The following MUC15 variants were observed in gnomAD, a reference collection of about 807,000 sequenced individuals.
The protein encoded by MUC15 is mucin 15, cell surface associated.
MUC15 carries 23 observed loss-of-function variants against 24.0 expected under a neutral mutation model. The observed-to-expected ratio is 0.96, with a 90% CI of 0.69 to 1.36. MUC15 has a LOEUF of 1.36. Ranked by LOEUF, MUC15 falls within the 40% of genes most tolerant of loss-of-function variation. The pLI is 0.00. For missense variants in MUC15, 442 were observed against 428.2 expected (o/e 1.03, Z -0.29); for synonymous variants, 151 against 156.3 (o/e 0.97, Z 0.25).
At chr11:26,565,086 A>G (rs1394755423) in intron 3 of MUC15, 79 bp downstream of exon 3, 2 of 1,355,710 alleles carry the variant, frequency 1.5e-6, no homozygotes, top group Non-Finnish European at 2.0e-6. Context: ...CAGCATGGTG[A>G]TTCCTTAGAC....
rs534590787 is a variant in MUC15 at position 26,567,504 on chromosome 11, T to G, written c.-45-365A>C. Among the ~76,000 whole-genome samples, 184 of 152,080 alleles carry G rather than the reference T, an allele frequency of 1.2e-3. 1 individual carries two copies. Among genetic ancestry groups the G allele is most frequent in the Non-Finnish European group, 1.2e-3 (84 of 67,922 alleles). On this transcript the variant is annotated intron_variant, in intron 1 of 4. Transcript: ENST00000529533. ...CCACTAGTTATGTGTTGATTTTAAA[T>G]AGCAAGTCCTCTCTTACATAATAAT...
rs948347091 is a variant in MUC15 at position 26,560,919 on chromosome 11, A to G, written c.*146T>C. On this transcript the variant is annotated 3_prime_UTR_variant, in exon 5 of 5. Transcript: ENST00000529533. ...CCTTTGGATGATACATCCTGTCTAC[A>G]TTTCTGCTACTGGTCTCCTGCTTTT... 3.1e-5 allele frequency: 24 copies of G among 771,854 alleles called. No homozygotes were observed. Among genetic ancestry groups the G allele is most frequent in the Non-Finnish European group, 4.4e-5 (22 of 502,196 alleles). The allele number at this position is 771,854 out of a possible 1,614,324, so 47.8% of individuals were successfully genotyped here. A position where few individuals can be genotyped will look rare whatever the true frequency, so the allele number is the denominator to read the frequency against.
Position 26,571,426 on chromosome 11 carries a change from C to A in MUC15, c.-46+615G>T, listed in dbSNP as rs371510795. Among the ~76,000 whole-genome samples, 5 of 152,130 alleles carry A rather than the reference C, an allele frequency of 3.3e-5. No individual in the cohort carries two copies. The East Asian group carries it at 5.8e-4, about 18-fold the overall frequency. On this transcript the variant is annotated intron_variant, in intron 1 of 4. Transcript: ENST00000529533. ...ATGTTTTCTGTAGTAACTGATGTAACCTTTTAGATTTCCAGTGAAAGTTAG... is the reference window on the plus strand; with the variant it reads ...ATGTTTTCTGTAGTAACTGATGTAAACTTTTAGATTTCCAGTGAAAGTTAG...
chr11:26,559,845 C>CACACACAT lies in MUC15; in HGVS notation c.*1219_*1220insATGTGTGT. On this transcript the variant is annotated 3_prime_UTR_variant, in exon 5 of 5. Coordinates refer to ENST00000529533, the MANE Select transcript of MUC15 (RefSeq NM_001135091.2). ...AAGCTGTTTCTGTGTTACACACACA[C>CACACACAT]ACACACACACACACACACACACACA... is the stretch of plus-strand genomic sequence containing the variant. 1.4e-6 allele frequency: 1 copy of CACACACAT among 707,526 alleles called. No individual in the cohort carries two copies. Among genetic ancestry groups the CACACACAT allele is most frequent in the Non-Finnish European group, 2.5e-6 (1 of 406,712 alleles). The allele number at this position is 707,526 out of a possible 1,614,324, so 43.8% of individuals were successfully genotyped here. A position where few individuals can be genotyped will look rare whatever the true frequency, so the allele number is the denominator to read the frequency against.
At chr11:26,563,630 G>A (rs1850393029) in intron 3 of MUC15, among the ~76,000 whole-genome samples, 1 of 151,838 alleles carries the variant, frequency 6.6e-6, no homozygotes, top group African/African-American at 2.4e-5. Context: ...GAACTTTAAT[G>A]ATGAAATGAA....
chr11:26,572,031 G>T lies in MUC15; in HGVS notation c.-46+10C>A. The T allele has an allele frequency of 1.0e-6, 1 of 964,886 alleles. No individual in the cohort carries two copies. Among genetic ancestry groups the T allele is most frequent in the Non-Finnish European group, 1.2e-6 (1 of 811,296 alleles). The allele number at this position is 964,886 out of a possible 1,614,324, so 59.8% of individuals were successfully genotyped here. A position where few individuals can be genotyped will look rare whatever the true frequency, so the allele number is the denominator to read the frequency against. ...AAGCGAGAGACCTAAGTGACCCAACGCACACTTACCTTCAGGCTTAGGAGG... is the reference window on the plus strand; with the variant it reads ...AAGCGAGAGACCTAAGTGACCCAACTCACACTTACCTTCAGGCTTAGGAGG... On this transcript the variant is annotated intron_variant, in intron 1 of 4. Transcript: ENST00000529533.
At chr11:26,561,296 G>T in intron 4 of MUC15, 71 bp from the exon 5 acceptor site, 3 of 1,151,798 alleles carry the variant, frequency 2.6e-6, no homozygotes, top group Non-Finnish European at 3.6e-6. Context: ...CATCCACCAA[G>T]TTATAGGAAT....
intron 3 of MUC15, among the ~76,000 whole-genome samples, chr11:26,563,664 A>G (rs1423976951): frequency 6.6e-6 from 1 of 151,894 alleles, no homozygotes; most frequent in Non-Finnish European, 1.5e-5. Flanking sequence ...TCTGTAAATA[A>G]TTCAAAGGTT....
In MUC15 at chr11:26,559,677, A is replaced by G. The variant is rs1435603033; in HGVS notation, c.*1388T>C. On this transcript the variant is annotated 3_prime_UTR_variant, in exon 5 of 5. Transcript: ENST00000529533. ...AAACAGTATTCACTGGCTTATTATA[A>G]TCAATTTGCATGACTAATATTTCTG... 6.9e-7 allele frequency: 1 copy of G among 1,440,180 alleles called. No individual in the cohort carries two copies. 89.2% of individuals were successfully genotyped at this position (1,440,180 alleles called of 1,614,324 possible). A position where few individuals can be genotyped will look rare whatever the true frequency, so the allele number is the denominator to read the frequency against.
intron 2 of MUC15, 120 bp downstream of exon 2, chr11:26,566,932 A>T (rs1850611776): frequency 2.3e-6 from 2 of 884,262 alleles, no homozygotes; most frequent in East Asian, 6.4e-5. Context: ...TCTAAACAAG[A>T]TCTAGCCTAA....
In MUC15 at chr11:26,559,644, C is replaced by A; in HGVS notation, c.*1421G>T. ...TCTATTTGAGAAAAAATCATAGTAC[C>A]TGAGTGCAAACAGTATTCACTGGCT... is the stretch of plus-strand genomic sequence containing the variant. On this transcript the variant is annotated 3_prime_UTR_variant, in exon 5 of 5. Transcript: ENST00000529533. 1 of 995,160 alleles carries A rather than the reference C, an allele frequency of 1.0e-6. No individual in the cohort carries two copies. The highest frequency in any genetic ancestry group is 1.6e-6 in the Non-Finnish European group (1 of 621,384). 61.6% of individuals were successfully genotyped at this position (995,160 alleles called of 1,614,324 possible).
intron 3 of MUC15, among the ~76,000 whole-genome samples, chr11:26,564,465 C>A (rs1476726753): frequency 2.0e-5 from 3 of 149,300 alleles, no homozygotes; most frequent in Admixed American, 6.7e-5. Context: ...ATACATTAGA[C>A]CTCAAAAAAC....
chr11:26,572,052 G>A lies in MUC15; in HGVS notation c.-57C>T, dbSNP rs1191940700. The A allele has an allele frequency of 3.0e-6, 3 of 984,196 alleles. No homozygotes were observed. The highest frequency in any genetic ancestry group is 9.4e-5 in the South Asian group (2 of 21,274). The allele number at this position is 984,196 out of a possible 1,614,324, so 61.0% of individuals were successfully genotyped here. On this transcript the variant is annotated 5_prime_UTR_variant, in exon 1 of 5. Transcript: ENST00000529533. ...CAACGCACACTTACCTTCAGGCTTAGGAGGTATTTACAATCAGGAACTGAA... is the reference window on the plus strand; with the variant it reads ...CAACGCACACTTACCTTCAGGCTTAAGAGGTATTTACAATCAGGAACTGAA...
chr11:26,562,426 A>AT (rs982829485), intron 4 of MUC15, among the ~76,000 whole-genome samples: 1 of 151,852 alleles, frequency 6.6e-6, no homozygotes, highest in African/African-American at 2.4e-5. Context: ...GAAAACACAT[A>AT]TTTTTTTCCC....
Position 26,565,468 on chromosome 11 carries a change from G to C in MUC15, c.472C>G (p.Leu158Val), listed in dbSNP as rs773550427. 6.2e-7 allele frequency: 1 copy of C among 1,613,382 alleles called. No individual in the cohort carries two copies. Among genetic ancestry groups the C allele is most frequent in the Non-Finnish European group, 8.5e-7 (1 of 1,179,534 alleles). ...TTGGGATGTGCTGAGATGGGCAAAA[G>C]ATCTTCATCTGCTATAGGTGCATTC... ...PWNAPIADEDLLPISAHPNAT... is the reference protein window; with the variant it reads ...PWNAPIADEDVLPISAHPNAT... Residue 158 changes from leucine to valine, a missense_variant, in exon 3 of 5, where the codon CTT (leucine) becomes GTT (valine). Transcript: ENST00000529533.
chr11:26,565,245 TGA>T lies in MUC15; in HGVS notation c.693_694del (p.Tyr231Ter). 6.4e-7 allele frequency: 1 copy of T among 1,551,656 alleles called. No individual in the cohort carries two copies. Among genetic ancestry groups the T allele is most frequent in the Admixed American group, 2.0e-5 (1 of 48,984 alleles). Reference sequence around the variant, plus strand: ...GGTAGGCTGTAGAGTTGTTTTTTCTTGATAAGGGGTAAACCCAGTGAAGCTAT... The same window carrying T: ...GGTAGGCTGTAGAGTTGTTTTTTCTTTAAGGGGTAAACCCAGTGAAGCTAT... On this transcript the variant is annotated stop_gained and frameshift_variant, in exon 3 of 5. Coordinates refer to ENST00000529533, the MANE Select transcript of MUC15 (RefSeq NM_001135091.2). LOFTEE classifies it high-confidence loss of function.
rs1183832595 is a variant in MUC15, at chr11:26,565,243, C to T, written c.697G>A (p.Glu233Lys). ...DSFTGFTPYQ[E>K]KTTLQPTLKF... ...AAGGTAGGCTGTAGAGTTGTTTTTT[C>T]TTGATAAGGGGTAAACCCAGTGAAG... Residue 233 changes from glutamate to lysine, a missense_variant, in exon 3 of 5, where the codon GAA (glutamate) becomes AAA (lysine). Glu to Lys is a moderately conservative substitution (Grantham distance 56, BLOSUM62 1). Transcript: ENST00000529533. 2.0e-6 allele frequency: 3 copies of T among 1,511,886 alleles called. No individual in the cohort carries two copies. Among genetic ancestry groups the T allele is most frequent in the Admixed American group, 2.1e-5 (1 of 47,256 alleles). The allele number at this position is 1,511,886 out of a possible 1,614,324, so 93.7% of individuals were successfully genotyped here. A position where few individuals can be genotyped will look rare whatever the true frequency, so the allele number is the denominator to read the frequency against.
chr11:26,570,101 A>G (rs1014159523), intron 1 of MUC15, among the ~76,000 whole-genome samples: 24 of 152,122 alleles, frequency 1.6e-4, no homozygotes, highest in African/African-American at 5.1e-4. Context: ...TACCTTAAAT[A>G]CAGATTCTAA....
rs953582257 is a variant in MUC15 at position 26,559,176 on chromosome 11, A to G, written c.*1889T>C. 1 of 152,322 alleles carries G rather than the reference A, an allele frequency of 6.6e-6. No homozygotes were observed. The highest frequency in any genetic ancestry group is 2.4e-5 in the African/African-American group (1 of 41,438). 9.4% of individuals were successfully genotyped at this position (152,322 alleles called of 1,614,324 possible). On this transcript the variant is annotated 3_prime_UTR_variant, in exon 5 of 5. Coordinates refer to ENST00000529533, the MANE Select transcript of MUC15 (RefSeq NM_001135091.2). ...TTGTTTCATAAGTGTTCAGTGATTT[A>G]TGAAACTTTTAAAACAAATTAAGAT...
Sources: gnomAD v4.1 joint callset for allele counts (sites outside exome capture counted in the v4.1 genomes callset) on GRCh38, gnomAD v4.1.1 for gene constraint, MANE v1.5 for transcripts, NCBI Gene and HGNC (gene_info 2026-07-23, HGNC 2026-07-21) for gene names.